Variants in CRIM1 observed in about 807,000 individuals in gnomAD.
CRIM1 encodes cysteine rich transmembrane BMP regulator 1.
CRIM1 carries 32 observed loss-of-function variants against 116.4 expected under a neutral mutation model. That is an observed-to-expected ratio of 0.27 (90% CI 0.21 to 0.37). CRIM1 has a LOEUF of 0.37. Among genes scored for constraint, CRIM1 ranks in the 10% least tolerant of loss-of-function variants. CRIM1 has a pLI of 1.00. For synonymous variants in CRIM1, 590 were observed against 509.2 expected (o/e 1.16, Z -2.13); for missense variants, 1,331 against 1,354.8 (o/e 0.98, Z 0.28).
chr2:36,381,002 G>A (rs572836282), intron 1 of CRIM1, among the ~76,000 whole-genome samples: 3 of 152,284 alleles, frequency 2.0e-5, no homozygotes, highest in African/African-American at 4.8e-5. Flanking sequence ...GGGCCCCCCC[G>A]CTGCTCTCCC....
chr2:36,471,346 A>G (rs940452736), intron 5 of CRIM1, among the ~76,000 whole-genome samples: 2 of 152,192 alleles, frequency 1.3e-5, no homozygotes, highest in African/African-American at 4.8e-5. Context: ...ACATGCTACA[A>G]AGAAATCTTT....
At chr2:36,487,107 A>G (rs1000415635) in intron 7 of CRIM1, among the ~76,000 whole-genome samples, 32 of 152,308 alleles carry the variant, frequency 2.1e-4, no homozygotes, top group Admixed American at 2.6e-4. Context: ...ATACTGCCCA[A>G]TGTTCAACAG....
chr2:36,361,491 G>A (rs1669220450), intron 1 of CRIM1, among the ~76,000 whole-genome samples: 1 of 152,132 alleles, frequency 6.6e-6, no homozygotes, highest in African/African-American at 2.4e-5. Context: ...GCATTATGAA[G>A]TTGGGGGATA....
At chr2:36,546,061 G>GTGTT (rs751896225) in intron 15 of CRIM1, among the ~76,000 whole-genome samples, 24 of 152,078 alleles carry the variant, frequency 1.6e-4, no homozygotes, top group Non-Finnish European at 3.2e-4. Context: ...TTAAACCACA[G>GTGTT]TGTTACATAC....
At position 36,356,580 on chromosome 2, in the gene CRIM1, C is replaced by T; in HGVS notation, c.288C>T (p.Leu96=). 1 of 1,612,026 alleles carries T rather than the reference C, an allele frequency of 6.2e-7. No individual in the cohort carries two copies. Among genetic ancestry groups the T allele is most frequent in the Non-Finnish European group, 8.5e-7 (1 of 1,179,784 alleles). Residue 96 remains leucine, a synonymous_variant, in exon 1 of 17, where the codon CTC becomes CTT. Transcript: ENST00000280527. The surrounding 1 kb of genome is among the most constrained non-coding windows in gnomAD (Gnocchi z 4.3). The part of the protein sequence containing the change: ...RGLRCVIRPP[L]NGDSLTEYEA... ...TGCGTTGTGTCATCCGCCCCCCGCT[C>T]AATGGCGACTCCCTCACCGAGTACG...
At chr2:36,533,277 T>A (rs749747510) in intron 13 of CRIM1, among the ~76,000 whole-genome samples, 2 of 152,068 alleles carry the variant, frequency 1.3e-5, no homozygotes, top group South Asian at 2.1e-4. Context: ...AAGGAGACAG[T>A]GTATCTAGGA....
At chr2:36,508,366 C>T (rs1002551962) in intron 8 of CRIM1, among the ~76,000 whole-genome samples, 1 of 152,102 alleles carries the variant, frequency 6.6e-6, no homozygotes, top group Non-Finnish European at 1.5e-5. Flanking sequence ...ATGTAAAACA[C>T]GGACCCATTT....
At chr2:36,417,290 T>G (rs1021522743) in intron 2 of CRIM1, among the ~76,000 whole-genome samples, 13 of 152,214 alleles carry the variant, frequency 8.5e-5, no homozygotes, top group South Asian at 4.1e-4. Context: ...TTTGCCTTTC[T>G]TTCCTCTCAG....
chr2:36,504,095 A>G (rs189518780), intron 8 of CRIM1, among the ~76,000 whole-genome samples: 1 of 152,150 alleles, frequency 6.6e-6, no homozygotes, highest in East Asian at 1.9e-4. Flanking sequence ...GCAGGTCACG[A>G]ACTCCTGGCG....
chr2:36,397,342 G>A (rs1424658422), intron 2 of CRIM1, among the ~76,000 whole-genome samples: 1 of 152,096 alleles, frequency 6.6e-6, no homozygotes, highest in Non-Finnish European at 1.5e-5. Flanking sequence ...ATACTGATAT[G>A]GCTCATAACT....
At chr2:36,369,774 A>G (rs538904313) in intron 1 of CRIM1, among the ~76,000 whole-genome samples, 17 of 152,294 alleles carry the variant, frequency 1.1e-4, no homozygotes, top group Non-Finnish European at 1.9e-4. Flanking sequence ...GTAGTGAACT[A>G]TTTCTGTAGC....
At chr2:36,481,272 G>A (rs563683348) in intron 7 of CRIM1, among the ~76,000 whole-genome samples, 4 of 152,216 alleles carry the variant, frequency 2.6e-5, no homozygotes, top group African/African-American at 7.2e-5. Flanking sequence ...GAAGGCAGTT[G>A]GTGAACAGGT....
chr2:36,409,815 T>C (rs940566722), intron 2 of CRIM1, among the ~76,000 whole-genome samples: 3 of 152,236 alleles, frequency 2.0e-5, no homozygotes, highest in Non-Finnish European at 2.9e-5. Context: ...ATTAAATATT[T>C]GAGTTTTTTT....
At chr2:36,391,788 C>G (rs1158735060) in intron 1 of CRIM1, among the ~76,000 whole-genome samples, 1 of 130,212 alleles carries the variant, frequency 7.7e-6, no homozygotes, top group African/African-American at 2.9e-5. Context: ...CCACTTTGCA[C>G]TAATGGTGCA....
chr2:36,365,716 G>A lies in CRIM1; in HGVS notation c.331+9093G>A, dbSNP rs192358527. ...GGTATGGTCCCATTTTAGGAGAACA[G>A]AACTATGAACTATGTTTGTGTTTTT... is the stretch of plus-strand genomic sequence containing the variant. On this transcript the variant is annotated intron_variant, in intron 1 of 16. Transcript: ENST00000280527. 2.3e-3 allele frequency among the ~76,000 whole-genome samples: 354 copies of A among 150,974 alleles called. 3 individuals are homozygous for A. The highest frequency in any genetic ancestry group is 8.2e-3 in the African/African-American group (338 of 41,084).
chr2:36,357,184 A>G (rs10176691), intron 1 of CRIM1, among the ~76,000 whole-genome samples: 1 of 152,110 alleles, frequency 6.6e-6, no homozygotes, highest in Non-Finnish European at 1.5e-5. Context: ...CAGATAAATC[A>G]GTTTCAGCCG....
chr2:36,416,700 A>G (rs797013779), intron 2 of CRIM1, among the ~76,000 whole-genome samples: 18 of 152,302 alleles, frequency 1.2e-4, no homozygotes, highest in African/African-American at 4.3e-4. Flanking sequence ...ACAGAAGGAA[A>G]GTCATATTTG....
rs114075130 is a variant in CRIM1, at chr2:36,535,289, A to T, written c.2429-2063A>T. Among the ~76,000 whole-genome samples, 852 of 152,248 alleles carry T rather than the reference A, an allele frequency of 5.6e-3. 4 individuals carry two copies. Among genetic ancestry groups the T allele is most frequent in the Middle Eastern group, 0.017 (5 of 292 alleles). The stretch of plus-strand genomic sequence containing the variant: ...GTTCAGAGTACTACTTAAATTAGGC[A>T]TCATTGGATGATTCTGTTCAGCCAA... On this transcript the variant is annotated intron_variant, in intron 13 of 16. Transcript: ENST00000280527.
At chr2:36,546,823 A>G (rs1455217238) in intron 15 of CRIM1, among the ~76,000 whole-genome samples, 161 bp from the exon 16 acceptor site, 2 of 143,374 alleles carry the variant, frequency 1.4e-5, no homozygotes, top group African/African-American at 5.3e-5. Flanking sequence ...GCTCTCTACT[A>G]AGAGCTCTTT....
Sources: allele counts gnomAD v4.1 joint callset (sites outside exome capture counted in the v4.1 genomes callset), GRCh38; gene constraint gnomAD v4.1.1; non-coding constraint Gnocchi (gnomAD v3.1); transcripts MANE v1.5; gene names NCBI Gene and HGNC (gene_info 2026-07-23, HGNC 2026-07-21).